The following SPECC1 variants were observed in gnomAD, a reference collection of about 807,000 sequenced individuals.
The protein encoded by SPECC1 is cytospin-B.
A neutral mutation model predicts 104.1 loss-of-function variants in SPECC1; 62 were observed. The ratio of observed to expected loss-of-function variants is 0.60; its 90% CI spans 0.49 to 0.74. The LOEUF (loss-of-function observed/expected upper bound fraction) is 0.74, where lower values mean the gene tolerates loss of function less well. Among genes scored for constraint, SPECC1 ranks in the 30% least tolerant of loss-of-function variants. The pLI is 0.00. For missense variants in SPECC1, 1,306 were observed against 1,310.5 expected (o/e 1.00, Z 0.05); for synonymous variants, 513 against 501.6 (o/e 1.02, Z -0.30).
chr17:20,305,954 A>C (rs2041748912), intron 13 of SPECC1, 69 bp from the exon 14 acceptor site: 2 of 1,366,336 alleles, frequency 1.5e-6, no homozygotes, highest in Admixed American at 3.5e-5. Context: ...ATATCAGTTG[A>C]TATTCTTTCC....
intron 1 of SPECC1, among the ~76,000 whole-genome samples, chr17:20,032,151 G>A (rs923391755): frequency 3.3e-5 from 5 of 151,702 alleles, no homozygotes; most frequent in Admixed American, 6.6e-5. Context: ...ATGTTCTTTT[G>A]TAAGTGAGGT....
chr17:20,204,377 GA>G lies in SPECC1; in HGVS notation c.330del (p.Glu110AspfsTer4). The G allele has an allele frequency of 6.2e-7, 1 of 1,613,916 alleles. No individual in the cohort carries two copies. Among genetic ancestry groups the G allele is most frequent in the Non-Finnish European group, 8.5e-7 (1 of 1,179,968 alleles). On this transcript the variant is annotated frameshift_variant, in exon 4 of 15. Transcript: ENST00000395527. LOFTEE classifies it high-confidence loss of function. ...TKRTGIPAPR[E>X]FSVTVSRERS... is the part of the protein sequence containing the mutation. The stretch of plus-strand genomic sequence containing the variant: ...ACGGACAGGCATTCCAGCCCCACGG[GA>G]ATTTTCAGTAACTGTCTCAAGAGAG...
At chr17:20,281,300 A>C (rs550216126) in intron 12 of SPECC1, among the ~76,000 whole-genome samples, 44 of 152,338 alleles carry the variant, frequency 2.9e-4, no homozygotes, top group African/African-American at 2.2e-4. Context: ...AAAGAAAGAA[A>C]GAACCAGACT....
At chr17:20,223,179 G>A (rs993482696) in intron 4 of SPECC1, among the ~76,000 whole-genome samples, 10 of 151,232 alleles carry the variant, frequency 6.6e-5, no homozygotes, top group African/African-American at 2.2e-4. Flanking sequence ...CTAGATTTGC[G>A]CTTTTTTTAG....
chr17:20,185,451 A>G (rs1364566420), intron 3 of SPECC1, among the ~76,000 whole-genome samples: 1 of 152,238 alleles, frequency 6.6e-6, no homozygotes, highest in Non-Finnish European at 1.5e-5. Context: ...GGAGACTACC[A>G]CATGGTGCTC....
intron 3 of SPECC1, among the ~76,000 whole-genome samples, chr17:20,129,376 C>T (rs1210448492): frequency 3.3e-5 from 5 of 151,600 alleles, no homozygotes; most frequent in African/African-American, 4.8e-5. Flanking sequence ...TTAGTAGAGA[C>T]GGGGTTTTAC....
At chr17:20,141,974 A>G (rs2030858971) in intron 3 of SPECC1, among the ~76,000 whole-genome samples, 1 of 152,192 alleles carries the variant, frequency 6.6e-6, no homozygotes, top group African/African-American at 2.4e-5. Flanking sequence ...TTGGCTTATT[A>G]AGAAAACTGA....
intron 1 of SPECC1, among the ~76,000 whole-genome samples, chr17:20,021,060 TAAAG>T (rs1487988688): frequency 2.6e-5 from 4 of 152,166 alleles, no homozygotes; most frequent in African/African-American, 9.7e-5. Context: ...AAGCTAGAGA[TAAAG>T]AAAATCATAA....
intron 11 of SPECC1, among the ~76,000 whole-genome samples, chr17:20,259,341 A>T (rs1024738166): frequency 2.5e-4 from 38 of 152,350 alleles, no homozygotes; most frequent in African/African-American, 9.1e-4. Flanking sequence ...AAATGCATAC[A>T]AAAAGGCTAT....
chr17:20,281,235 C>T (rs1041073106), intron 12 of SPECC1, among the ~76,000 whole-genome samples: 2 of 152,194 alleles, frequency 1.3e-5, no homozygotes, highest in Non-Finnish European at 2.9e-5. Flanking sequence ...GTCACCATTT[C>T]ACTTAATGTT....
chr17:20,091,620 C>T (rs527416137), intron 1 of SPECC1, among the ~76,000 whole-genome samples: 43 of 152,310 alleles, frequency 2.8e-4, no homozygotes, highest in African/African-American at 8.9e-4. Context: ...GGAGCAAATT[C>T]GACCCATGTT....
intron 12 of SPECC1, among the ~76,000 whole-genome samples, chr17:20,271,288 T>C (rs1384887998): frequency 1.3e-5 from 2 of 152,152 alleles, no homozygotes; most frequent in African/African-American, 4.8e-5. Context: ...TTTTTCATTT[T>C]AGATGTTGTA....
At position 20,231,813 on chromosome 17, in the gene SPECC1, T is replaced by A. The variant is rs1163772748; in HGVS notation, c.2127T>A (p.Thr709=). The A allele has an allele frequency of 1.2e-6, 2 of 1,614,062 alleles. No homozygotes were observed. The highest frequency in any genetic ancestry group is 3.3e-5 in the Admixed American group (2 of 60,020). The part of the protein sequence containing the change: ...QKSDLERQLK[T]LTKQMKEETE... ...CAGACCTGGAGAGGCAGCTGAAGAC[T>A]CTGACCAAGCAGATGAAGGTGAGAT... Residue 709 remains threonine (T), a synonymous_variant, in exon 6 of 15, where the codon ACT becomes ACA. Transcript: ENST00000395527.
rs1262300038 is a variant in SPECC1 at position 20,316,849 on chromosome 17, C to G, written c.*2784C>G. 9 of 211,168 alleles carry G rather than the reference C, an allele frequency of 4.3e-5. No individual in the cohort carries two copies. The East Asian group carries it at 6.3e-4, about 15-fold the overall frequency. 13.1% of individuals were successfully genotyped at this position (211,168 alleles called of 1,614,324 possible). ...TTACGTGTAAATCATCTAGAACCAG[C>G]TCTGAGCAATGGCGTTGCGGTGTCC... is the stretch of plus-strand genomic sequence containing the variant. On this transcript the variant is annotated 3_prime_UTR_variant, in exon 15 of 15. Coordinates refer to ENST00000395527, the MANE Select transcript of SPECC1 (RefSeq NM_001243439.2).
chr17:20,291,613 T>G (rs1379017005), intron 12 of SPECC1, among the ~76,000 whole-genome samples: 1 of 152,084 alleles, frequency 6.6e-6, no homozygotes, highest in Non-Finnish European at 1.5e-5. Context: ...GGCATGATCT[T>G]GGCTCACTGC....
At position 20,204,602 on chromosome 17, in the gene SPECC1, A is replaced by T. The variant is rs2036647384; in HGVS notation, c.553A>T (p.Asn185Tyr). The change falls in exon 4 of 15, where the codon AAC becomes TAC. Residue 185 changes from asparagine (N) to tyrosine (Y), a missense_variant. By Grantham distance (143) the Asn-to-Tyr change is moderately radical. This residue lies in a region of SPECC1 where 1,177 missense variants were observed against 1,139.9 expected (regional missense o/e 1.03). Transcript: ENST00000395527. ...AGCCAAAGCAAAAGATAGTGAAATT[A>T]ACAGGCTTCGAAGTGAACTAAAGAA... Reference protein sequence around the residue: ...AEAKAKDSEINRLRSELKKYK... With the variant: ...AEAKAKDSEIYRLRSELKKYK... The T allele has an allele frequency of 6.2e-7, 1 of 1,614,244 alleles. No individual in the cohort carries two copies. Among genetic ancestry groups the T allele is most frequent in the East Asian group, 2.2e-5 (1 of 44,882 alleles).
intron 4 of SPECC1, among the ~76,000 whole-genome samples, chr17:20,217,205 T>C (rs909239992): frequency 2.0e-5 from 3 of 152,142 alleles, no homozygotes; most frequent in Non-Finnish European, 2.9e-5. Flanking sequence ...CTGCCTGTTA[T>C]TATGTAGCAA....
intron 11 of SPECC1, among the ~76,000 whole-genome samples, chr17:20,259,075 TAATA>T (rs973967439): frequency 1.3e-5 from 2 of 152,254 alleles, no homozygotes; most frequent in African/African-American, 2.4e-5. Flanking sequence ...AATAGCTTTT[TAATA>T]AATCTTATAA....
intron 3 of SPECC1, among the ~76,000 whole-genome samples, chr17:20,168,096 G>A (rs929925704): frequency 2.0e-5 from 3 of 152,102 alleles, no homozygotes. Context: ...AAAGCATTCC[G>A]ATTTGTTTTG....
Sources: allele counts gnomAD v4.1 joint callset (sites outside exome capture counted in the v4.1 genomes callset), GRCh38; gene constraint gnomAD v4.1.1; regional missense constraint gnomAD v4.1.1; transcripts MANE v1.5; gene names NCBI Gene and HGNC (gene_info 2026-07-23, HGNC 2026-07-21).